Variants in MYBL1 observed in about 807,000 individuals in gnomAD.
MYBL1 encodes the protein myb-related protein A.
In MYBL1, 17 loss-of-function variants were observed where a neutral mutation model predicts 96.3. The ratio of observed to expected loss-of-function variants is 0.18; its 90% CI spans 0.12 to 0.26. MYBL1 has a LOEUF of 0.26. MYBL1 is among the 10% of genes least tolerant of loss of function. The pLI is 1.00. For synonymous variants in MYBL1, 282 were observed against 292.7 expected, an observed-to-expected ratio of 0.96 and a Z score of 0.37; for missense variants, 701 against 882.9, an observed-to-expected ratio of 0.79 and a Z score of 2.61.
rs868181625 is a variant in MYBL1 at position 66,584,578 on chromosome 8, G to A, written c.868-4212C>T. On this transcript the variant is annotated intron_variant, in intron 8 of 15. Coordinates refer to ENST00000522677, the MANE Select transcript of MYBL1 (RefSeq NM_001080416.4). Reference sequence around the variant, plus strand: ...CACACAAAAAATCAGTCGTGTTTTGGCTGGGCATGGTGGCTCACGCCTGTA... The same window carrying A: ...CACACAAAAAATCAGTCGTGTTTTGACTGGGCATGGTGGCTCACGCCTGTA... 4.6e-5 allele frequency among the ~76,000 whole-genome samples: 7 copies of A among 152,230 alleles called. No homozygotes were observed. In the South Asian group the frequency reaches 6.2e-4, roughly 14 times the overall value.
In MYBL1 at chr8:66,613,008, G is replaced by A. The variant is rs1586612160; in HGVS notation, c.-170C>T. The A allele has an allele frequency of 2.7e-6, 2 of 743,540 alleles. No individual in the cohort carries two copies. The highest frequency in any genetic ancestry group is 1.3e-4 in the South Asian group (2 of 15,886). 46.1% of individuals were successfully genotyped at this position (743,540 alleles called of 1,614,324 possible). On this transcript the variant is annotated 5_prime_UTR_variant, in exon 1 of 16. Coordinates refer to ENST00000522677, the MANE Select transcript of MYBL1 (RefSeq NM_001080416.4). ...CAGGGCAGGACGGAGGGACAGCGGG[G>A]GCGGACCGCGACCCGACCCCGACCC...
chr8:66,568,623 G>A (rs911835103), intron 12 of MYBL1, among the ~76,000 whole-genome samples: 1 of 152,008 alleles, frequency 6.6e-6, no homozygotes, highest in South Asian at 2.1e-4. Flanking sequence ...TTTTAATGAT[G>A]GTATTTCACC....
In MYBL1 at chr8:66,595,678, T is replaced by C. The variant is rs1418399007; in HGVS notation, c.592A>G (p.Ile198Val). The C allele has an allele frequency of 6.3e-7, 1 of 1,584,596 alleles. No individual in the cohort carries two copies. Among genetic ancestry groups the C allele is most frequent in the African/African-American group, 1.3e-5 (1 of 74,456 alleles). Residue 198 changes from isoleucine (I) to valine (V), a missense_variant, in exon 6 of 16, where the codon ATA becomes GTA. By Grantham distance (29) the Ile-to-Val change is conservative. Transcript: ENST00000522677. ...VEQEGYLQDG[I>V]KSERSSSKLQ... ...TTAGATGAAGATCGTTCTGATTTTATTCCATCTTGTAAATAGCCCTCCTGT... is the reference window on the plus strand; with the variant it reads ...TTAGATGAAGATCGTTCTGATTTTACTCCATCTTGTAAATAGCCCTCCTGT...
At chr8:66,593,962 CCT>C (rs1037587502) in intron 6 of MYBL1, among the ~76,000 whole-genome samples, 5 of 151,826 alleles carry the variant, frequency 3.3e-5, no homozygotes, top group African/African-American at 1.2e-4. Flanking sequence ...ATGGCAAGAC[CCT>C]GTTTTTACAA....
intron 10 of MYBL1, among the ~76,000 whole-genome samples, chr8:66,574,888 TTACTAAAAA>T (rs1808873111): frequency 6.6e-6 from 1 of 152,064 alleles, no homozygotes; most frequent in South Asian, 2.1e-4. Context: ...AACTCTGTCT[TTACTAAAAA>T]TACAAAATTA....
chr8:66,566,311 G>C, intron 14 of MYBL1, 68 bp from the exon 15 acceptor site: 1 of 940,740 alleles, frequency 1.1e-6, no homozygotes, highest in South Asian at 2.0e-5. Context: ...GGACTACTGA[G>C]TAAGTGGTAA....
chr8:66,595,754 A>G lies in MYBL1; in HGVS notation c.516T>C (p.Thr172=). 6.5e-7 allele frequency: 1 copy of G among 1,533,356 alleles called. No homozygotes were observed. Among genetic ancestry groups the G allele is most frequent in the Non-Finnish European group, 8.8e-7 (1 of 1,136,532 alleles). The allele number at this position is 1,533,356 out of a possible 1,614,324, so 95.0% of individuals were successfully genotyped here. A position where few individuals can be genotyped will look rare whatever the true frequency, so the allele number is the denominator to read the frequency against. Residue 172 remains threonine (T), a synonymous_variant, in exon 6 of 16, where the codon ACT becomes ACC. Coordinates refer to ENST00000522677, the MANE Select transcript of MYBL1 (RefSeq NM_001080416.4). ...AEIAKLLPGR[T]DNSIKNHWNS... ...TCCAATGATTTTTGATAGAATTATC[A>G]GTCCTAAGAAAGGAAAGGTATGATT...
intron 6 of MYBL1, among the ~76,000 whole-genome samples, chr8:66,593,569 A>G (rs78662382): frequency 0.015 from 2,212 of 152,304 alleles, 70 homozygotes; most frequent in African/African-American, 0.051. Flanking sequence ...ATGTGTCCAT[A>G]TGAATGAAGC....
chr8:66,596,192 A>G (rs1809843674), intron 5 of MYBL1, among the ~76,000 whole-genome samples: 1 of 152,202 alleles, frequency 6.6e-6, no homozygotes, highest in Non-Finnish European at 1.5e-5. Context: ...ACAGAAAGAA[A>G]AAAAGAGCAT....
chr8:66,589,630 G>A (rs1300741273), intron 8 of MYBL1, among the ~76,000 whole-genome samples: 1 of 152,094 alleles, frequency 6.6e-6, no homozygotes, highest in Non-Finnish European at 1.5e-5. Context: ...ACAGGCATGT[G>A]CCACCATGCC....
At chr8:66,612,689 CG>C in intron 1 of MYBL1, 129 bp downstream of exon 1, 1 of 1,146,960 alleles carries the variant, frequency 8.7e-7, no homozygotes, top group Non-Finnish European at 1.1e-6. Context: ...CAAGCGGCCG[CG>C]GGGACGCGGG....
At chr8:66,572,723 T>G (rs1808783780) in intron 11 of MYBL1, 127 bp from the exon 12 acceptor site, 1 of 422,314 alleles carries the variant, frequency 2.4e-6, no homozygotes, top group East Asian at 3.4e-5. Flanking sequence ...TTAAACATTC[T>G]AAGACTATTT....
chr8:66,585,770 T>C (rs959307838), intron 8 of MYBL1, among the ~76,000 whole-genome samples: 1 of 151,924 alleles, frequency 6.6e-6, no homozygotes, highest in African/African-American at 2.4e-5. Context: ...ATAGGAGAAA[T>C]GTTTTAGGAC....
chr8:66,590,011 C>A (rs371054811), intron 8 of MYBL1, among the ~76,000 whole-genome samples: 112 of 152,086 alleles, frequency 7.4e-4, no homozygotes, highest in African/African-American at 2.6e-3. Flanking sequence ...GAGGCTGAGG[C>A]TGCAGTGAGC....
chr8:66,589,825 GTA>G (rs1176509775), intron 8 of MYBL1, among the ~76,000 whole-genome samples: 2 of 152,124 alleles, frequency 1.3e-5, no homozygotes, highest in African/African-American at 4.8e-5. Flanking sequence ...TTTAAGGTAA[GTA>G]TATGTCAGGT....
chr8:66,601,280 T>C (rs1810062880), intron 3 of MYBL1, among the ~76,000 whole-genome samples: 2 of 145,982 alleles, frequency 1.4e-5, no homozygotes, highest in South Asian at 2.2e-4. Flanking sequence ...TGGTAAACAA[T>C]AGGCATAATA....
At chr8:66,610,081 A>C (rs1232955295) in intron 1 of MYBL1, among the ~76,000 whole-genome samples, 2 of 152,050 alleles carry the variant, frequency 1.3e-5, no homozygotes, top group Non-Finnish European at 2.9e-5. Context: ...TGTTACTAGT[A>C]AACAGGTTTC....
rs370687208 is a variant in MYBL1 at position 66,576,167 on chromosome 8, A to G, written c.1310T>C (p.Ile437Thr). The change falls in exon 10 of 16, where the codon ATA becomes ACA. Residue 437 changes from isoleucine (I) to threonine (T), a missense_variant. Coordinates refer to ENST00000522677, the MANE Select transcript of MYBL1 (RefSeq NM_001080416.4). ...SEAVPLTSPNIAKFSTPPAIL... is the reference protein window; with the variant it reads ...SEAVPLTSPNTAKFSTPPAIL... The stretch of plus-strand genomic sequence containing the variant: ...GGCTGGTGGAGTGCTAAACTTGGCT[A>G]TATTTGGGGATGTTAAAGGAACAGC... 6.3e-5 allele frequency: 102 copies of G among 1,613,816 alleles called. No individual in the cohort carries two copies. The highest frequency in any genetic ancestry group is 1.0e-4 in the Admixed American group (6 of 59,992).
At chr8:66,601,613 T>C (rs908333597) in intron 3 of MYBL1, 85 bp downstream of exon 3, 1 of 738,092 alleles carries the variant, frequency 1.4e-6, no homozygotes, top group African/African-American at 1.8e-5. Flanking sequence ...AATTAAAATA[T>C]GTAGACACAT....
Sources: gnomAD v4.1 joint callset for allele counts (sites outside exome capture counted in the v4.1 genomes callset) on GRCh38, gnomAD v4.1.1 for gene constraint, MANE v1.5 for transcripts, NCBI Gene and HGNC (gene_info 2026-07-23, HGNC 2026-07-21) for gene names.